Variants in TNIK observed in about 807,000 individuals in gnomAD.
TNIK encodes TRAF2 and NCK-interacting protein kinase.
In TNIK, 49 loss-of-function variants were observed where a neutral mutation model predicts 191.3. That is an observed-to-expected ratio of 0.26 (90% CI 0.20 to 0.32). The LOEUF (loss-of-function observed/expected upper bound fraction) is 0.32. Among genes scored for constraint, TNIK ranks in the 10% least tolerant of loss-of-function variants. TNIK has a pLI of 1.00. For synonymous variants in TNIK, 594 were observed against 600.9 expected (o/e 0.99, Z 0.17); for missense variants, 1,155 against 1,702.3 (o/e 0.68, Z 5.66).
intron 1 of TNIK, among the ~76,000 whole-genome samples, chr3:171,441,394 C>T (rs1726782172): frequency 1.3e-5 from 2 of 152,234 alleles, no homozygotes. Context: ...TTCATATATA[C>T]AGAATCATAC....
intron 15 of TNIK, among the ~76,000 whole-genome samples, chr3:171,133,939 G>A (rs1034986981): frequency 6.6e-6 from 1 of 152,104 alleles, no homozygotes; most frequent in Non-Finnish European, 1.5e-5. Flanking sequence ...AAGAGAACAC[G>A]ATGGAGTGCT....
chr3:171,249,053 T>C (rs899142737), intron 2 of TNIK, among the ~76,000 whole-genome samples: 1 of 152,254 alleles, frequency 6.6e-6, no homozygotes, highest in Admixed American at 6.5e-5. Context: ...GAACTCTGGT[T>C]ATTACCCATA....
intron 4 of TNIK, among the ~76,000 whole-genome samples, chr3:171,203,212 G>A (rs1347316610): frequency 6.6e-6 from 1 of 152,092 alleles, no homozygotes; most frequent in East Asian, 1.9e-4. Context: ...AAGCCAAGAC[G>A]CTATAACAAT....
rs530487282 is a variant in TNIK, at chr3:171,203,524, GATC to G, written c.306+7589_306+7591del. ...TGAAATTTCAGGCCCAATATTTCTAGATCATTTTATTTTTCAAAACTTTTCAAG... is the reference window on the plus strand; with the variant it reads ...TGAAATTTCAGGCCCAATATTTCTAGATTTTATTTTTCAAAACTTTTCAAG... On this transcript the variant is annotated intron_variant, in intron 4 of 32. Transcript: ENST00000436636. Among the ~76,000 whole-genome samples the G allele has an allele frequency of 1.1e-3, 175 of 152,282 alleles. 1 individual carries two copies. The highest frequency in any genetic ancestry group is 3.7e-3 in the African/African-American group (154 of 41,556).
At chr3:171,301,077 C>A (rs1752822923) in intron 2 of TNIK, among the ~76,000 whole-genome samples, 1 of 152,004 alleles carries the variant, frequency 6.6e-6, no homozygotes, top group Non-Finnish European at 1.5e-5. Context: ...AAGGAGAAAT[C>A]TCTGCAATGG....
chr3:171,148,533 A>G (rs958212025), intron 12 of TNIK, among the ~76,000 whole-genome samples: 12 of 152,112 alleles, frequency 7.9e-5, no homozygotes, highest in African/African-American at 2.9e-4. Context: ...CCAAATTCCT[A>G]CTGTCATCAT....
chr3:171,073,048 A>G (rs979972682), intron 28 of TNIK, among the ~76,000 whole-genome samples: 2 of 152,170 alleles, frequency 1.3e-5, no homozygotes, highest in African/African-American at 2.4e-5. Context: ...AGAAAAGACA[A>G]TTCTAAAATT....
chr3:171,324,051 A>G (rs1755473935), intron 2 of TNIK, among the ~76,000 whole-genome samples: 1 of 150,924 alleles, frequency 6.6e-6, no homozygotes. Context: ...AACAAAACGA[A>G]AACACCCTGC....
intron 13 of TNIK, 43 bp from the exon 14 acceptor site, chr3:171,139,599 A>G (rs746363646): frequency 3.1e-6 from 5 of 1,598,414 alleles, no homozygotes; most frequent in Admixed American, 1.7e-5. Context: ...ACAGAAAGAA[A>G]GAGAGAAATG....
intron 1 of TNIK, among the ~76,000 whole-genome samples, chr3:171,403,592 C>T (rs1356062374): frequency 1.6e-4 from 20 of 122,730 alleles, no homozygotes; most frequent in African/African-American, 5.0e-4. Flanking sequence ...CCAACCTGGG[C>T]GACAGTGAGA....
In TNIK at chr3:171,382,946, GAGA is replaced by G. The variant is rs200019373; in HGVS notation, c.58-13264_58-13262del. ...CTTTGTAACTTTTGAAACAATATTT[GAGA>G]AGAACTGCTTCACACTGAATGTCTC... On this transcript the variant is annotated intron_variant, in intron 1 of 32. Transcript: ENST00000436636. 8.3e-4 allele frequency among the ~76,000 whole-genome samples: 127 copies of G among 152,270 alleles called. No homozygotes were observed. In the East Asian group the frequency reaches 0.018, roughly 22 times the overall value.
chr3:171,356,722 T>C (rs1421244289), intron 2 of TNIK, among the ~76,000 whole-genome samples: 1 of 152,214 alleles, frequency 6.6e-6, no homozygotes, highest in Non-Finnish European at 1.5e-5. Context: ...CATGCTCTAC[T>C]ACTTACCTGG....
intron 1 of TNIK, among the ~76,000 whole-genome samples, chr3:171,381,446 T>G (rs1718018972): frequency 1.3e-5 from 2 of 152,222 alleles, no homozygotes; most frequent in Admixed American, 1.3e-4. Context: ...TAAGGAAGCT[T>G]TGTATCTCCT....
intron 1 of TNIK, among the ~76,000 whole-genome samples, chr3:171,407,683 A>C (rs751826744): frequency 2.0e-5 from 3 of 152,244 alleles, no homozygotes; most frequent in Non-Finnish European, 2.9e-5. Context: ...CTAAAAGTTT[A>C]AATTTAATCT....
intron 1 of TNIK, among the ~76,000 whole-genome samples, chr3:171,443,622 C>T (rs1053557390): frequency 4.6e-5 from 7 of 151,718 alleles, no homozygotes; most frequent in South Asian, 4.2e-4. Context: ...TTTGAGACCA[C>T]GCTGGGCAAC....
chr3:171,353,932 T>C (rs550526919), intron 2 of TNIK, among the ~76,000 whole-genome samples: 1 of 152,310 alleles, frequency 6.6e-6, no homozygotes, highest in African/African-American at 2.4e-5. Context: ...TTCTGGAGAA[T>C]TTTTTGTAGA....
chr3:171,124,860 G>C (rs1337924069), intron 17 of TNIK, among the ~76,000 whole-genome samples: 2 of 152,108 alleles, frequency 1.3e-5, no homozygotes, highest in Non-Finnish European at 2.9e-5. Context: ...AATAAATTCA[G>C]TTTTCAGCTT....
intron 12 of TNIK, among the ~76,000 whole-genome samples, chr3:171,153,177 T>A (rs751241678): frequency 2.6e-5 from 4 of 152,236 alleles, no homozygotes; most frequent in Non-Finnish European, 5.9e-5. Flanking sequence ...TTTAACTCCA[T>A]CCTTATGCTT....
At chr3:171,426,100 G>A (rs1188572314) in intron 1 of TNIK, among the ~76,000 whole-genome samples, 1 of 151,994 alleles carries the variant, frequency 6.6e-6, no homozygotes, top group African/African-American at 2.4e-5. Flanking sequence ...AAAGACACAT[G>A]CACACATATG....
Sources: allele counts gnomAD v4.1 joint callset (sites outside exome capture counted in the v4.1 genomes callset), GRCh38; gene constraint gnomAD v4.1.1; transcripts MANE v1.5; gene names NCBI Gene and HGNC (gene_info 2026-07-23, HGNC 2026-07-21).